ESCO1: variants seen among roughly 807,000 people sequenced by gnomAD.
The protein encoded by ESCO1 is establishment of sister chromatid cohesion N-acetyltransferase 1, also known as N-acetyltransferase ESCO1.
A neutral mutation model predicts 83.5 loss-of-function variants in ESCO1; 33 were observed. The observed-to-expected ratio is 0.40, with a 90% CI of 0.30 to 0.53. The LOEUF (loss-of-function observed/expected upper bound fraction) is 0.53, where lower values mean the gene tolerates loss of function less well. Among genes scored for constraint, ESCO1 ranks in the 20% least tolerant of loss-of-function variants. ESCO1 has a pLI of 0.63. For synonymous variants in ESCO1, 332 were observed against 324.3 expected (o/e 1.02, Z -0.25); for missense variants, 855 against 968.0 (o/e 0.88, Z 1.55).
intron 1 of ESCO1, among the ~76,000 whole-genome samples, chr18:21,592,416 C>A (rs1452761644): frequency 6.9e-6 from 1 of 144,302 alleles, no homozygotes; most frequent in East Asian, 2.1e-4. Context: ...GGGCGGCTGG[C>A]CGGGCGGGGG....
intron 8 of ESCO1, among the ~76,000 whole-genome samples, chr18:21,545,793 G>T (rs2037966425): frequency 6.6e-6 from 1 of 151,972 alleles, no homozygotes; most frequent in African/African-American, 2.4e-5. Flanking sequence ...AGCTGAGCAT[G>T]TGGCGCACGC....
At position 21,574,557 on chromosome 18, in the gene ESCO1, T is replaced by C; in HGVS notation, c.287A>G (p.Glu96Gly). ...CTGAGATAATTTCTTTTTTGTAGAT[T>C]CTTGTGAATATCCCCTCACAGTCAC... ...NTVTVRGYSQ[E>G]STKKKLSQKK... The change falls in exon 4 of 12, where the codon GAA becomes GGA. Residue 96 changes from glutamate to glycine, a missense_variant. This residue lies in a region of ESCO1 where 726 missense variants were observed against 699.5 expected (regional missense o/e 1.04). Coordinates refer to ENST00000269214, the MANE Select transcript of ESCO1 (RefSeq NM_052911.3). The C allele has an allele frequency of 6.2e-7, 1 of 1,613,960 alleles. No homozygotes were observed. The highest frequency in any genetic ancestry group is 8.5e-7 in the Non-Finnish European group (1 of 1,179,980).
intron 8 of ESCO1, among the ~76,000 whole-genome samples, chr18:21,549,502 C>T (rs560366461): frequency 2.3e-4 from 35 of 152,066 alleles, no homozygotes; most frequent in Non-Finnish European, 4.9e-4. Context: ...GCAATCTCCG[C>T]CTCCAGGGGT....
At chr18:21,541,450 G>A (rs1439418585) in intron 8 of ESCO1, among the ~76,000 whole-genome samples, 2 of 151,886 alleles carry the variant, frequency 1.3e-5, no homozygotes, top group Non-Finnish European at 2.9e-5. Flanking sequence ...ATTTTTAGGC[G>A]GGTGTGGTGG....
chr18:21,595,153 T>C lies in ESCO1; in HGVS notation c.-825+5470A>G, dbSNP rs1221198354. Reference sequence around the variant, plus strand: ...TGAATGTGAACCACCATGCCTAGCCTATGGTATATATTTTAAACATATATT... The same window carrying C: ...TGAATGTGAACCACCATGCCTAGCCCATGGTATATATTTTAAACATATATT... On this transcript the variant is annotated intron_variant, in intron 1 of 11. Transcript: ENST00000269214. 5.3e-5 allele frequency among the ~76,000 whole-genome samples: 8 copies of C among 151,914 alleles called. No individual in the cohort carries two copies. In the East Asian group the frequency reaches 1.5e-3, roughly 29 times the overall value.
intron 8 of ESCO1, chr18:21,540,719 C>A: frequency 7.9e-7 from 1 of 1,261,672 alleles, no homozygotes; most frequent in Non-Finnish European, 1.0e-6. Context: ...AAAAACAAAA[C>A]AAAACAAAAG....
intron 6 of ESCO1, 106 bp downstream of exon 6, chr18:21,566,040 G>C (rs968659517): frequency 1.0e-6 from 1 of 963,286 alleles, no homozygotes; most frequent in African/African-American, 1.6e-5. Context: ...AAGAGAATCT[G>C]TAGGTAAACT....
intron 11 of ESCO1, among the ~76,000 whole-genome samples, chr18:21,531,332 A>G (rs1338466339): frequency 1.3e-5 from 2 of 152,144 alleles, no homozygotes; most frequent in Non-Finnish European, 2.9e-5. Context: ...GCTACTCAGG[A>G]GGCTGAGGCA....
intron 8 of ESCO1, among the ~76,000 whole-genome samples, chr18:21,554,823 G>T (rs2038091862): frequency 1.3e-5 from 2 of 152,070 alleles, no homozygotes; most frequent in Non-Finnish European, 2.9e-5. Flanking sequence ...GCAGAGAATC[G>T]CTTGAACCCG....
intron 1 of ESCO1, among the ~76,000 whole-genome samples, chr18:21,589,152 T>A (rs967393408): frequency 6.6e-6 from 1 of 150,890 alleles, no homozygotes; most frequent in Admixed American, 6.6e-5. Context: ...GGCAGGAGAA[T>A]CATTTGAACC....
At chr18:21,536,554 G>A (rs974922515) in intron 9 of ESCO1, among the ~76,000 whole-genome samples, 1 of 147,018 alleles carries the variant, frequency 6.8e-6, no homozygotes, top group East Asian at 2.0e-4. Flanking sequence ...TTGCGCCGTT[G>A]CACTCCAGCC....
At chr18:21,534,679 G>C (rs1041437885) in intron 10 of ESCO1, among the ~76,000 whole-genome samples, 4 of 150,560 alleles carry the variant, frequency 2.7e-5, no homozygotes, top group African/African-American at 9.8e-5. Flanking sequence ...TCCAGGCTGG[G>C]TTCAGTGGCA....
intron 4 of ESCO1, among the ~76,000 whole-genome samples, chr18:21,569,326 G>A (rs2038307126): frequency 6.6e-6 from 1 of 152,216 alleles, no homozygotes; most frequent in African/African-American, 2.4e-5. Flanking sequence ...GGCGGGGCGT[G>A]GTGGCTCACG....
chr18:21,580,765 G>A (rs1246270211), intron 2 of ESCO1, among the ~76,000 whole-genome samples: 4 of 151,324 alleles, frequency 2.6e-5, no homozygotes, highest in Non-Finnish European at 4.4e-5. Context: ...CAAGGCAGGC[G>A]GATCTCCTGA....
chr18:21,547,976 C>T (rs1400677600), intron 8 of ESCO1, among the ~76,000 whole-genome samples: 1 of 152,058 alleles, frequency 6.6e-6, no homozygotes, highest in African/African-American at 2.4e-5. Flanking sequence ...GTGGAGAGTG[C>T]CTGTAGTCCC....
chr18:21,570,090 A>G (rs2038319596), intron 4 of ESCO1, among the ~76,000 whole-genome samples: 2 of 152,148 alleles, frequency 1.3e-5, no homozygotes, highest in Non-Finnish European at 1.5e-5. Context: ...AAACAATCTG[A>G]AAGGTGAAAG....
intron 1 of ESCO1, among the ~76,000 whole-genome samples, chr18:21,590,021 G>A (rs1402918644): frequency 6.6e-6 from 1 of 151,594 alleles, no homozygotes; most frequent in East Asian, 2.0e-4. Context: ...TAGAGACGGG[G>A]TTTCACCATG....
chr18:21,592,081 G>C (rs1444136240), intron 1 of ESCO1, among the ~76,000 whole-genome samples: 1 of 151,422 alleles, frequency 6.6e-6, no homozygotes, highest in Non-Finnish European at 1.5e-5. Flanking sequence ...TTTCCACACA[G>C]ACATGGCAAC....
At chr18:21,561,190 C>T (rs2038181067) in intron 7 of ESCO1, among the ~76,000 whole-genome samples, 200 bp from the exon 8 acceptor site, 1 of 152,094 alleles carries the variant, frequency 6.6e-6, no homozygotes, top group Non-Finnish European at 1.5e-5. Context: ...TTTTAGTAAC[C>T]TGATCCACGG....
Sources: gnomAD v4.1 joint callset for allele counts (sites outside exome capture counted in the v4.1 genomes callset) on GRCh38, gnomAD v4.1.1 for gene constraint, gnomAD v4.1.1 regional missense constraint, MANE v1.5 for transcripts, NCBI Gene and HGNC (gene_info 2026-07-23, HGNC 2026-07-21) for gene names.